Variants in UBXN8 observed in about 807,000 individuals in gnomAD.
UBXN8 encodes the protein UBX domain protein 8.
A neutral mutation model predicts 32.1 loss-of-function variants in UBXN8; 27 were observed. That is an observed-to-expected ratio of 0.84 (90% confidence interval 0.62 to 1.16). UBXN8 has a LOEUF of 1.16. Among genes scored for constraint, UBXN8 ranks in the 50% most tolerant of loss-of-function variants. The pLI, the probability that UBXN8 is intolerant of heterozygous loss-of-function variation, is 0.00. For synonymous variants in UBXN8, 109 were observed against 111.8 expected (o/e 0.98, Z 0.16); for missense variants, 306 against 311.4 (o/e 0.98, Z 0.13).
At chr8:30,752,795 G>A (rs891195621) in intron 2 of UBXN8, among the ~76,000 whole-genome samples, 8 of 152,128 alleles carry the variant, frequency 5.3e-5, no homozygotes, top group African/African-American at 1.9e-4. Flanking sequence ...TAAAATGTAA[G>A]TAAATAAAAG....
chr8:30,749,324 C>T (rs1483620962), intron 1 of UBXN8, among the ~76,000 whole-genome samples: 4 of 149,658 alleles, frequency 2.7e-5, no homozygotes, highest in Non-Finnish European at 3.0e-5. Flanking sequence ...ACCCAGGAGG[C>T]AGAGGTTGCA....
At chr8:30,738,587 G>C (rs1563555247) in intron 1 of UBXN8, among the ~76,000 whole-genome samples, 1 of 150,472 alleles carries the variant, frequency 6.6e-6, no homozygotes, top group Non-Finnish European at 1.5e-5. Flanking sequence ...CCTGAATCTG[G>C]GAGGCGGAGC....
chr8:30,756,704 G>T lies in UBXN8; in HGVS notation c.406-61G>T, dbSNP rs566270177. The T allele has an allele frequency of 1.2e-4, 193 of 1,596,906 alleles. No individual in the cohort carries two copies. In the African/African-American group the frequency reaches 2.0e-3, roughly 16 times the overall value. Reference sequence around the variant, plus strand: ...AAAAAAGGAAAAAGGAAAAACAATTGTGAATAGAATAAAGTTGATAGAAAA... The same window carrying T: ...AAAAAAGGAAAAAGGAAAAACAATTTTGAATAGAATAAAGTTGATAGAAAA... On this transcript the variant is annotated intron_variant, in intron 4 of 7. Transcript: ENST00000265616.
upstream of UBXN8, among the ~76,000 whole-genome samples, chr8:30,741,454 CTTTTTT>C (rs565066061): frequency 3.4e-5 from 4 of 116,740 alleles, no homozygotes; most frequent in African/African-American, 3.5e-5. Context: ...AAGCAATGTT[CTTTTTT>C]TTTTTTTTTT....
intron 5 of UBXN8, among the ~76,000 whole-genome samples, chr8:30,760,124 C>CA (rs1805790403): frequency 6.9e-6 from 1 of 145,738 alleles, no homozygotes; most frequent in Non-Finnish European, 1.5e-5. Flanking sequence ...TGCAGTGGCA[C>CA]AACCTCAGCT....
At chr8:30,754,593 A>G (rs931024763) in intron 3 of UBXN8, 72 bp from the exon 4 acceptor site, 2 of 1,485,970 alleles carry the variant, frequency 1.3e-6, no homozygotes, top group Non-Finnish European at 1.8e-6. Context: ...CTTATTTACA[A>G]CTTTATAGAC....
chr8:30,756,616 C>T (rs1805667986), intron 4 of UBXN8, 149 bp from the exon 5 acceptor site: 2 of 1,146,034 alleles, frequency 1.7e-6, no homozygotes, highest in East Asian at 5.1e-5. Flanking sequence ...GGAGATAATG[C>T]TTTAATTTTT....
upstream of UBXN8, among the ~76,000 whole-genome samples, chr8:30,739,890 C>G (rs771196100): frequency 2.3e-4 from 34 of 149,130 alleles, no homozygotes; most frequent in Admixed American, 5.3e-4. Context: ...AATGCTTGCT[C>G]TCTGTGCAAT....
chr8:30,752,039 T>C (rs1444342800), intron 2 of UBXN8, among the ~76,000 whole-genome samples: 1 of 151,890 alleles, frequency 6.6e-6, no homozygotes, highest in East Asian at 1.9e-4. Context: ...ACTACAGGCA[T>C]GCACCACCAT....
chr8:30,736,696 C>T (rs188410720), intron 1 of UBXN8, among the ~76,000 whole-genome samples: 61 of 152,318 alleles, frequency 4.0e-4, no homozygotes, highest in Non-Finnish European at 8.1e-4. Flanking sequence ...TAGTCTCAAA[C>T]TCCTGACCTC....
At chr8:30,736,567 G>C (rs892951565) in intron 1 of UBXN8, among the ~76,000 whole-genome samples, 1 of 152,074 alleles carries the variant, frequency 6.6e-6, no homozygotes, top group African/African-American at 2.4e-5. Flanking sequence ...TTGCCTCCTG[G>C]GTTCAAGCGA....
At chr8:30,753,013 C>A in intron 2 of UBXN8, 22 bp from the exon 3 acceptor site, 1 of 1,495,456 alleles carries the variant, frequency 6.7e-7, no homozygotes, top group Non-Finnish European at 8.9e-7. Flanking sequence ...GTAAAAAGCA[C>A]TTTTATGTTT....
chr8:30,764,969 G>A (rs1805960564), intron 7 of UBXN8, among the ~76,000 whole-genome samples: 1 of 152,188 alleles, frequency 6.6e-6, no homozygotes, highest in South Asian at 2.1e-4. Flanking sequence ...AGAATCGCTT[G>A]AACCCAGGAG....
chr8:30,732,213 A>G, upstream of UBXN8: 1 of 376,552 alleles, frequency 2.7e-6, no homozygotes, highest in Non-Finnish European at 4.7e-6. Context: ...TTCCCACCAG[A>G]GACCTAGGCT....
At chr8:30,736,629 T>C (rs55891465) in intron 1 of UBXN8, among the ~76,000 whole-genome samples, 38,545 of 151,924 alleles carry the variant, frequency 0.25, 5,666 homozygotes, top group African/African-American at 0.41. Flanking sequence ...CCCACCACCA[T>C]GCCCAGATAC....
upstream of UBXN8, among the ~76,000 whole-genome samples, chr8:30,742,392 C>T (rs1417011356): frequency 2.0e-5 from 3 of 152,166 alleles, no homozygotes; most frequent in African/African-American, 4.8e-5. Context: ...ACTATATCGC[C>T]CAGGCTGGAG....
chr8:30,758,589 T>G (rs1181049466), intron 5 of UBXN8, among the ~76,000 whole-genome samples: 2 of 152,190 alleles, frequency 1.3e-5, no homozygotes, highest in African/African-American at 2.4e-5. Flanking sequence ...CCTGGTCCCA[T>G]AGTGGAGATT....
upstream of UBXN8, among the ~76,000 whole-genome samples, chr8:30,731,123 C>T (rs1804941972): frequency 6.6e-6 from 1 of 152,156 alleles, no homozygotes; most frequent in African/African-American, 2.4e-5. Flanking sequence ...CAAATGCCCT[C>T]AGCTAAAAGG....
At chr8:30,744,052 T>C (rs1805282730), upstream of UBXN8, 3 of 739,014 alleles carry the variant, frequency 4.1e-6, no homozygotes, top group Non-Finnish European at 6.8e-6. Flanking sequence ...TCCCCCTCAA[T>C]AACGACACGG....
Sources: gnomAD v4.1 joint callset for allele counts (sites outside exome capture counted in the v4.1 genomes callset) on GRCh38, gnomAD v4.1.1 for gene constraint, MANE v1.5 for transcripts, NCBI Gene and HGNC (gene_info 2026-07-23, HGNC 2026-07-21) for gene names.